The following NBEA variants were observed in gnomAD, a reference collection of about 807,000 sequenced individuals.
NBEA encodes lysosomal-trafficking regulator 2.
NBEA carries 44 observed loss-of-function variants against 343.4 expected under a neutral mutation model. The observed-to-expected ratio is 0.13, with a 90% CI of 0.10 to 0.16. NBEA has a LOEUF of 0.16. NBEA is among the 10% of genes least tolerant of loss of function. The probability of loss-of-function intolerance (pLI) is 1.00; values close to 1 mark genes in which losing one functional copy is unlikely to be tolerated. For synonymous variants in NBEA, 1,175 were observed against 1,238.7 expected, an observed-to-expected ratio of 0.95 and a Z score of 1.08; for missense variants, 2,555 against 3,631.3, an observed-to-expected ratio of 0.70 and a Z score of 7.62.
At chr13:35,528,268 A>C (rs2078079621) in intron 41 of NBEA, among the ~76,000 whole-genome samples, 1 of 152,246 alleles carries the variant, frequency 6.6e-6, no homozygotes, top group Non-Finnish European at 1.5e-5. Flanking sequence ...ATCTGTAATC[A>C]AACTCTGTTT....
chr13:35,195,586 G>A (rs1235596078), intron 30 of NBEA, among the ~76,000 whole-genome samples: 1 of 151,728 alleles, frequency 6.6e-6, no homozygotes, highest in East Asian at 1.9e-4. Context: ...TAGTAGAGAC[G>A]GGGTTTCGCC....
intron 1 of NBEA, among the ~76,000 whole-genome samples, chr13:34,984,604 G>C (rs895858475): frequency 6.6e-6 from 1 of 150,954 alleles, no homozygotes; most frequent in Non-Finnish European, 1.5e-5. Flanking sequence ...GCTTGATGGG[G>C]ATGGCATTGA....
chr13:34,961,307 TTTATATTATTATCAGGATA>T (rs1217820030), intron 1 of NBEA, among the ~76,000 whole-genome samples: 1 of 152,084 alleles, frequency 6.6e-6, no homozygotes, highest in Non-Finnish European at 1.5e-5. Context: ...AAAGTTTTGC[TTTATATTATTATCAGGATA>T]TGATCAGATA....
intron 1 of NBEA, among the ~76,000 whole-genome samples, chr13:35,017,617 A>C (rs76239652): frequency 0.16 from 23,842 of 152,026 alleles, 2,460 homozygotes; most frequent in Admixed American, 0.26. Context: ...CTTTTTTTGA[A>C]ATATCTGTTA....
intron 34 of NBEA, among the ~76,000 whole-genome samples, chr13:35,270,280 T>C (rs1246968767): frequency 3.3e-5 from 5 of 152,346 alleles, no homozygotes; most frequent in South Asian, 4.1e-4. Flanking sequence ...AGTATTTCAA[T>C]ATGGAAATTT....
At chr13:35,359,809 G>A (rs1278560183) in intron 38 of NBEA, among the ~76,000 whole-genome samples, 1 of 149,966 alleles carries the variant, frequency 6.7e-6, no homozygotes, top group Non-Finnish European at 1.5e-5. Context: ...AGCCCCTTGA[G>A]TTTAATAGGT....
At chr13:35,461,571 A>T (rs575899950) in intron 40 of NBEA, among the ~76,000 whole-genome samples, 1 of 152,312 alleles carries the variant, frequency 6.6e-6, no homozygotes, top group Non-Finnish European at 1.5e-5. Context: ...GTTAGATCAC[A>T]TTTGAGGGAA....
chr13:35,543,691 G>A (rs972219849), intron 41 of NBEA, among the ~76,000 whole-genome samples: 1 of 152,048 alleles, frequency 6.6e-6, no homozygotes, highest in Non-Finnish European at 1.5e-5. Context: ...GTGGGAGAAT[G>A]GCAATGTGTT....
intron 10 of NBEA, among the ~76,000 whole-genome samples, chr13:35,073,557 TTGTTTCTTAAGCCTTACCTC>T (rs1338266906): frequency 6.6e-6 from 1 of 152,168 alleles, no homozygotes; most frequent in African/African-American, 2.4e-5. Flanking sequence ...AAACTTTTCA[TTGTTTCTTAAGCCTTACCTC>T]TGTTGGCACT....
Position 35,671,815 on chromosome 13 carries a change from A to AGGGATGAGGTCCTGGTT in NBEA, c.*825_*841dup, listed in dbSNP as rs2085626476. 1 of 152,672 alleles carries AGGGATGAGGTCCTGGTT rather than the reference A, an allele frequency of 6.5e-6. No individual in the cohort carries two copies. The highest frequency in any genetic ancestry group is 1.5e-5 in the Non-Finnish European group (1 of 68,050). The allele number at this position is 152,672 out of a possible 1,614,324, so 9.5% of individuals were successfully genotyped here. A position where few individuals can be genotyped will look rare whatever the true frequency, so the allele number is the denominator to read the frequency against. ...TGAAGACACAGCAGAAAGGGGGCTT[A>AGGGATGAGGTCCTGGTT]GGGATGAGGTCCTGGTTTTTCTTGT... On this transcript the variant is annotated 3_prime_UTR_variant, in exon 59 of 59. Transcript: ENST00000379939.
Position 35,041,051 on chromosome 13 carries a change from G to A in NBEA, c.413G>A (p.Ser138Asn). Reference sequence around the variant, plus strand: ...GTAACATGTCAAGCAGAAATATGGAGCATGTTTACAGCCATTCTACGAAAA... The same window carrying A: ...GTAACATGTCAAGCAGAAATATGGAACATGTTTACAGCCATTCTACGAAAA... ...CDVTCQAEIW[S>N]MFTAILRKSV... is the part of the protein sequence containing the mutation. Residue 138 changes from serine to asparagine, a missense_variant, in exon 2 of 59, where the codon AGC becomes AAC. Ser to Asn is a conservative substitution (Grantham distance 46). Around this residue, in one of 21 missense-constraint regions of NBEA, gnomAD observed 185 missense variants for 290.6 expected, o/e 0.64. Coordinates refer to ENST00000379939, the MANE Select transcript of NBEA (RefSeq NM_001385012.1). 1 of 1,613,238 alleles carries A rather than the reference G, an allele frequency of 6.2e-7. No homozygotes were observed. Among genetic ancestry groups the A allele is most frequent in the Non-Finnish European group, 8.5e-7 (1 of 1,179,444 alleles).
rs200403693 is a variant in NBEA, at chr13:35,047,059, C to G, written c.724-1504C>G. On this transcript the variant is annotated intron_variant, in intron 4 of 58. Coordinates refer to ENST00000379939, the MANE Select transcript of NBEA (RefSeq NM_001385012.1). ...CTATTAGATCAAGGTAAAATATTCC[C>G]TGTTTTAAAAAGTCAATAAAAGTTA... Among the ~76,000 whole-genome samples the G allele has an allele frequency of 1.2e-4, 19 of 152,054 alleles. No homozygotes were observed. The East Asian group carries it at 3.7e-3, about 29-fold the overall frequency.
chr13:35,267,292 G>A (rs937509634), intron 34 of NBEA, among the ~76,000 whole-genome samples: 4 of 152,006 alleles, frequency 2.6e-5, no homozygotes, highest in South Asian at 4.1e-4. Flanking sequence ...ATAACTGTGC[G>A]AGGCAATGCA....
intron 48 of NBEA, among the ~76,000 whole-genome samples, chr13:35,609,063 G>A (rs973663272): frequency 3.9e-5 from 6 of 152,050 alleles, no homozygotes; most frequent in East Asian, 1.9e-4. Flanking sequence ...CTTTAACTTC[G>A]TGGACATGGT....
chr13:35,456,679 A>G (rs2046597263), intron 40 of NBEA, among the ~76,000 whole-genome samples: 1 of 152,018 alleles, frequency 6.6e-6, no homozygotes, highest in African/African-American at 2.4e-5. Flanking sequence ...TGGTAAGTGA[A>G]GGATTTAATT....
intron 1 of NBEA, among the ~76,000 whole-genome samples, chr13:34,983,699 C>T (rs7490549): frequency 1.3e-5 from 2 of 152,072 alleles, no homozygotes; most frequent in African/African-American, 2.4e-5. Flanking sequence ...TCCTGACTTT[C>T]TAATGATCGC....
chr13:35,436,925 A>C (rs1028605030), intron 39 of NBEA, among the ~76,000 whole-genome samples: 2 of 152,190 alleles, frequency 1.3e-5, no homozygotes, highest in Non-Finnish European at 2.9e-5. Context: ...TGTTGTCTAC[A>C]CTGGGAGAAC....
At chr13:35,611,248 T>C (rs1279799274) in intron 48 of NBEA, among the ~76,000 whole-genome samples, 1 of 152,204 alleles carries the variant, frequency 6.6e-6, no homozygotes, top group Admixed American at 6.5e-5. Flanking sequence ...TGGCTTTATT[T>C]GCTTTCATCA....
chr13:35,661,908 T>C (rs1322318940), intron 55 of NBEA, among the ~76,000 whole-genome samples: 3 of 152,164 alleles, frequency 2.0e-5, no homozygotes, highest in Admixed American at 1.3e-4. Context: ...AGGTTCATCC[T>C]CTCACTGTGC....
Sources: gnomAD v4.1 joint callset for allele counts (sites outside exome capture counted in the v4.1 genomes callset) on GRCh38, gnomAD v4.1.1 for gene constraint, gnomAD v4.1.1 regional missense constraint, MANE v1.5 for transcripts, NCBI Gene and HGNC (gene_info 2026-07-23, HGNC 2026-07-21) for gene names.